Variants in POM121C observed in about 807,000 individuals in gnomAD.
POM121C encodes the protein POM121 transmembrane nucleoporin C, also known as nuclear envelope pore membrane protein POM 121C.
POM121C carries 20 observed loss-of-function variants against 66.4 expected under a neutral mutation model. The ratio of observed to expected loss-of-function variants is 0.30; its 90% CI spans 0.21 to 0.44. POM121C has a LOEUF of 0.44. POM121C is among the 20% of genes least tolerant of loss of function. The pLI is 1.00. For missense variants in POM121C, 580 were observed against 1,225.7 expected (o/e 0.47, Z 7.87); for synonymous variants, 286 against 528.0 (o/e 0.54, Z 6.28).
At chr7:75,473,437 G>A (rs1554478913) in intron 3 of POM121C, among the ~76,000 whole-genome samples, 1 of 151,900 alleles carries the variant, frequency 6.6e-6, no homozygotes, top group Admixed American at 6.6e-5. Flanking sequence ...CATGATTCCA[G>A]TTATGGGGAA....
chr7:75,422,393 C>T lies in POM121C; in HGVS notation c.1859G>A (p.Gly620Asp). 6.2e-7 allele frequency: 1 copy of T among 1,610,390 alleles called. No homozygotes were observed. The highest frequency in any genetic ancestry group is 8.5e-7 in the Non-Finnish European group (1 of 1,178,626). Reference sequence around the variant, plus strand: ...GGTTGTGGGCAAGGCAGGAGGTTTGCCAAACTGGAATATGGAGCCCATGGC... The same window carrying T: ...GGTTGTGGGCAAGGCAGGAGGTTTGTCAAACTGGAATATGGAGCCCATGGC... Reference protein sequence around the residue: ...TPAMGSIFQFGKPPALPTTTT... With the variant: ...TPAMGSIFQFDKPPALPTTTT... The change falls in exon 13 of 15, where the codon GGC (glycine) becomes GAC (aspartate). Residue 620 changes from glycine to aspartate, a missense_variant. Gly to Asp is a moderately conservative substitution (Grantham distance 94). Coordinates refer to ENST00000615331, the MANE Select transcript of POM121C (RefSeq NM_001099415.3).
intron 3 of POM121C, among the ~76,000 whole-genome samples, chr7:75,471,720 C>G (rs1203149893): frequency 2.6e-5 from 4 of 152,124 alleles, no homozygotes. Context: ...GAAAGCACGA[C>G]CTGCCAGAGC....
intron 5 of POM121C, 112 bp downstream of exon 5, chr7:75,440,842 T>C: frequency 1.3e-6 from 2 of 1,573,638 alleles, no homozygotes; most frequent in Non-Finnish European, 1.7e-6. Context: ...GAAGGAGGCC[T>C]ATGAAGGCTC....
chr7:75,456,564 G>C (rs1189462695), intron 3 of POM121C, among the ~76,000 whole-genome samples: 20 of 152,214 alleles, frequency 1.3e-4, no homozygotes, highest in African/African-American at 4.1e-4. Context: ...GAGCCAGAGC[G>C]CAAAGGCACA....
chr7:75,431,445 A>T (rs1360393661), intron 7 of POM121C, among the ~76,000 whole-genome samples: 20 of 151,082 alleles, frequency 1.3e-4, no homozygotes, highest in Admixed American at 4.0e-4. Context: ...CTCCACTAAA[A>T]ATACAAAATT....
At chr7:75,449,588 G>A (rs1207716606) in intron 3 of POM121C, among the ~76,000 whole-genome samples, 1 of 152,022 alleles carries the variant, frequency 6.6e-6, no homozygotes, top group Admixed American at 6.6e-5. Context: ...GGATGGTCTC[G>A]ATCTCCTGAC....
At chr7:75,428,145 C>CT (rs1286372414) in intron 7 of POM121C, among the ~76,000 whole-genome samples, 1,541 of 146,188 alleles carry the variant, frequency 0.011, 21 homozygotes, top group African/African-American at 0.033. Flanking sequence ...ACCTGTGGAA[C>CT]TTTTTTTTTT....
At chr7:75,472,278 G>A (rs1791909835) in intron 3 of POM121C, among the ~76,000 whole-genome samples, 1 of 151,920 alleles carries the variant, frequency 6.6e-6, no homozygotes. Context: ...TTGGGAAGCT[G>A]AGGTGGGCAG....
intron 1 of POM121C, among the ~76,000 whole-genome samples, chr7:75,476,828 C>A (rs2923690): frequency 6.6e-6 from 1 of 151,424 alleles, no homozygotes; most frequent in Non-Finnish European, 1.5e-5. Flanking sequence ...CTTATTCCAA[C>A]AATATAGACT....
Position 75,437,524 on chromosome 7 carries a change from G to A in POM121C, c.471C>T (p.Gly157=), listed in dbSNP as rs782227455. The A allele has an allele frequency of 1.9e-6, 3 of 1,611,808 alleles. No individual in the cohort carries two copies. The highest frequency in any genetic ancestry group is 2.5e-6 in the Non-Finnish European group (3 of 1,178,870). ...AITSSYSSTR[G]ISQLWKRNGP... is the part of the protein sequence containing the mutation. ...AGAGCTGTACTTGTACCTGTGAGATGCCTCGAGTGGAGCTGTAGGAACTGG... is the reference window on the plus strand; with the variant it reads ...AGAGCTGTACTTGTACCTGTGAGATACCTCGAGTGGAGCTGTAGGAACTGG... The change falls in exon 7 of 15, where the codon GGC becomes GGT. Residue 157 remains glycine, a synonymous_variant. Coordinates refer to ENST00000615331, the MANE Select transcript of POM121C (RefSeq NM_001099415.3).
Position 75,419,438 on chromosome 7 carries a change from G to T in POM121C, c.2748C>A (p.Thr916=). ...TGTTCTGACCAAAGGTGGGGGTGGC[G>T]GTGCCTGGAATGAAGAGAACAGAGA... ...TTESKPVFGG[T]ATPTFGQNTP... is the part of the protein sequence containing the mutation. The change falls in exon 14 of 15, where the codon ACC becomes ACA. Residue 916 remains threonine (T), a synonymous_variant. Coordinates refer to ENST00000615331, the MANE Select transcript of POM121C (RefSeq NM_001099415.3). 1 of 1,613,156 alleles carries T rather than the reference G, an allele frequency of 6.2e-7. No homozygotes were observed. The highest frequency in any genetic ancestry group is 2.2e-5 in the East Asian group (1 of 44,854).
intron 3 of POM121C, among the ~76,000 whole-genome samples, chr7:75,465,992 T>G (rs13237964): frequency 6.8e-6 from 1 of 146,076 alleles, no homozygotes; most frequent in Non-Finnish European, 1.5e-5. Flanking sequence ...GGCATGGTGG[T>G]GCATACCTGT....
At chr7:75,452,628 G>A (rs1399025447) in intron 3 of POM121C, among the ~76,000 whole-genome samples, 5 of 152,052 alleles carry the variant, frequency 3.3e-5, no homozygotes, top group African/African-American at 1.2e-4. Context: ...GCCACTAGAG[G>A]GCAGCCGAAG....
At chr7:75,479,213 C>T (rs1445070769) in intron 1 of POM121C, among the ~76,000 whole-genome samples, 1 of 152,150 alleles carries the variant, frequency 6.6e-6, no homozygotes, top group Non-Finnish European at 1.5e-5. Flanking sequence ...ACAGAAAGTC[C>T]TTCAGGCAGA....
chr7:75,419,012 T>C (rs2116313606), intron 14 of POM121C, 119 bp from the exon 15 acceptor site: 2 of 1,457,414 alleles, frequency 1.4e-6, no homozygotes, highest in East Asian at 5.0e-5. Context: ...AATAGGGCTT[T>C]CCCCGCTGCG....
At chr7:75,433,817 G>A (rs1790287062) in intron 7 of POM121C, among the ~76,000 whole-genome samples, 1 of 152,146 alleles carries the variant, frequency 6.6e-6, no homozygotes, top group Non-Finnish European at 1.5e-5. Context: ...AATACTGTAA[G>A]TTATTCAACC....
At chr7:75,473,899 G>T (rs587707513) in intron 3 of POM121C, among the ~76,000 whole-genome samples, 2 of 151,920 alleles carry the variant, frequency 1.3e-5, no homozygotes, top group Non-Finnish European at 2.9e-5. Context: ...CGTTTTAGCC[G>T]GGATGGTCTC....
At chr7:75,483,483 T>TTTC (rs1408834457) in intron 1 of POM121C, among the ~76,000 whole-genome samples, 1 of 152,218 alleles carries the variant, frequency 6.6e-6, no homozygotes, top group Admixed American at 6.5e-5. Flanking sequence ...TCCCTTCACC[T>TTTC]TTCACTTGAC....
At chr7:75,445,236 C>A in intron 3 of POM121C, among the ~76,000 whole-genome samples, 1 of 124,096 alleles carries the variant, frequency 8.1e-6, no homozygotes, top group Non-Finnish European at 1.7e-5. Context: ...TACATTTAAC[C>A]TCACTAGTAA....
Sources: allele counts gnomAD v4.1 joint callset (sites outside exome capture counted in the v4.1 genomes callset), GRCh38; gene constraint gnomAD v4.1.1; transcripts MANE v1.5; gene names NCBI Gene and HGNC (gene_info 2026-07-23, HGNC 2026-07-21).